The following UHRF2 variants were observed in gnomAD, a reference collection of about 807,000 sequenced individuals.
UHRF2 encodes the protein E3 ubiquitin-protein ligase UHRF2.
Under a neutral mutation model 96.8 loss-of-function variants are expected in UHRF2, and 23 were observed. That is an observed-to-expected ratio of 0.24 (90% CI 0.17 to 0.34). The LOEUF (loss-of-function observed/expected upper bound fraction) is 0.34, where lower values mean the gene tolerates loss of function less well. UHRF2 is among the 10% of genes least tolerant of loss of function. The probability of loss-of-function intolerance (pLI) is 1.00; values close to 1 mark genes in which losing one functional copy is unlikely to be tolerated. For missense variants in UHRF2, 685 were observed against 981.5 expected (o/e 0.70, Z 4.04); for synonymous variants, 385 against 332.6 (o/e 1.16, Z -1.72).
Position 6,493,811 on chromosome 9 carries a change from A to G in UHRF2, c.1498-15A>G, listed in dbSNP as rs1824815165. 6.2e-7 allele frequency: 1 copy of G among 1,601,568 alleles called. No individual in the cohort carries two copies. The highest frequency in any genetic ancestry group is 2.2e-5 in the East Asian group (1 of 44,748). The stretch of plus-strand genomic sequence containing the variant: ...TGGGTTTAGCTTTCTTAATAAAGAA[A>G]ATCTTCTCTGACAGGACCGAGGTGA... On this transcript the variant is annotated splice_polypyrimidine_tract_variant and intron_variant, in intron 9 of 15. Coordinates refer to ENST00000276893, the MANE Select transcript of UHRF2 (RefSeq NM_152896.3).
chr9:6,485,827 A>C (rs1271473900), intron 8 of UHRF2, among the ~76,000 whole-genome samples: 3 of 147,190 alleles, frequency 2.0e-5, no homozygotes, highest in Admixed American at 7.0e-5. Context: ...AAAAAAAAAA[A>C]ACAAAACCCA....
intron 8 of UHRF2, among the ~76,000 whole-genome samples, chr9:6,486,083 G>T (rs921269493): frequency 6.6e-6 from 1 of 152,174 alleles, no homozygotes; most frequent in African/African-American, 2.4e-5. Flanking sequence ...CATATTTAGA[G>T]AGGGTAATAA....
chr9:6,477,751 C>T lies in UHRF2; in HGVS notation c.1103C>T (p.Ala368Val). ...MQLLCDECNVAYHIYCLNPPL... is the reference protein window; with the variant it reads ...MQLLCDECNVVYHIYCLNPPL... ...CTTCTGTGTGATGAATGTAATGTGGCTTATCATATTTACTGTCTGAATCCA... is the reference window on the plus strand; with the variant it reads ...CTTCTGTGTGATGAATGTAATGTGGTTTATCATATTTACTGTCTGAATCCA... The change falls in exon 6 of 16, where the codon GCT (alanine) becomes GTT (valine). Residue 368 changes from alanine to valine, a missense_variant. Transcript: ENST00000276893. 6.2e-7 allele frequency: 1 copy of T among 1,613,818 alleles called. No homozygotes were observed. The highest frequency in any genetic ancestry group is 8.5e-7 in the Non-Finnish European group (1 of 1,179,836).
chr9:6,458,993 C>G (rs950236732), intron 3 of UHRF2, among the ~76,000 whole-genome samples: 20 of 152,122 alleles, frequency 1.3e-4, no homozygotes, highest in African/African-American at 4.8e-4. Context: ...CACATGTTCT[C>G]ACTCATAAGT....
intron 5 of UHRF2, among the ~76,000 whole-genome samples, chr9:6,476,868 CA>C (rs1284138726): frequency 1.3e-5 from 2 of 152,166 alleles, no homozygotes; most frequent in Non-Finnish European, 2.9e-5. Context: ...GCTGGTATTA[CA>C]GGCATGAGCC....
At chr9:6,492,079 A>T (rs981984157) in intron 9 of UHRF2, among the ~76,000 whole-genome samples, 1 of 152,138 alleles carries the variant, frequency 6.6e-6, no homozygotes, top group African/African-American at 2.4e-5. Context: ...GAGCTCTTAC[A>T]GTCTTGACAG....
intron 10 of UHRF2, chr9:6,496,048 T>C (rs1824947142): frequency 6.6e-6 from 1 of 152,140 alleles, no homozygotes; most frequent in African/African-American, 2.4e-5. Flanking sequence ...CACAGCTATA[T>C]AAGTTATTTT....
At position 6,475,039 on chromosome 9, in the gene UHRF2, C is replaced by G. The variant is rs539143642; in HGVS notation, c.864-352C>G. 1.6e-4 allele frequency among the ~76,000 whole-genome samples: 25 copies of G among 152,184 alleles called. 1 individual carries two copies. The South Asian group carries it at 3.3e-3, about 20-fold the overall frequency. ...AACAAACAGAAAACATACCTTATTTCTTGATAGAAAGGTTTAATATTGCAC... is the reference window on the plus strand; with the variant it reads ...AACAAACAGAAAACATACCTTATTTGTTGATAGAAAGGTTTAATATTGCAC... On this transcript the variant is annotated intron_variant, in intron 4 of 15. Coordinates refer to ENST00000276893, the MANE Select transcript of UHRF2 (RefSeq NM_152896.3).
At chr9:6,447,250 G>A (rs139304250) in intron 3 of UHRF2, among the ~76,000 whole-genome samples, 1 of 152,230 alleles carries the variant, frequency 6.6e-6, no homozygotes, top group African/African-American at 2.4e-5. Context: ...GATGTCAGGC[G>A]GTCATACTTT....
intron 3 of UHRF2, among the ~76,000 whole-genome samples, chr9:6,446,957 C>G (rs547796105): frequency 1.3e-5 from 2 of 152,080 alleles, no homozygotes; most frequent in South Asian, 4.2e-4. Context: ...AGCACAATCT[C>G]GGCTCACTGC....
intron 9 of UHRF2, among the ~76,000 whole-genome samples, chr9:6,491,081 T>G (rs2130942172): frequency 6.6e-6 from 1 of 152,374 alleles, no homozygotes; most frequent in South Asian, 2.1e-4. Flanking sequence ...TTTAGCCTAG[T>G]AACTTAAGAA....
rs34552859 is a variant in UHRF2 at position 6,466,551 on chromosome 9, GAAAA to G, written c.863+5778_863+5781del. Among the ~76,000 whole-genome samples, 904 of 110,958 alleles carry G rather than the reference GAAAA, an allele frequency of 8.1e-3. 17 individuals are homozygous for G. Among genetic ancestry groups the G allele is most frequent in the African/African-American group, 0.028 (854 of 30,514 alleles). 72.8% of individuals were successfully genotyped at this position (110,958 alleles called of 152,430 possible). ...TGAGACTCTATCTCAAAAAAAAAAG[GAAAA>G]AAAAAAAAAAAAAAAAAGCTACAGA... On this transcript the variant is annotated intron_variant, in intron 4 of 15. Coordinates refer to ENST00000276893, the MANE Select transcript of UHRF2 (RefSeq NM_152896.3).
intron 3 of UHRF2, among the ~76,000 whole-genome samples, chr9:6,448,989 CCAT>C (rs1314431408): frequency 6.6e-6 from 1 of 152,150 alleles, no homozygotes. Context: ...CTTGCTTTAA[CCAT>C]CATCAACTCA....
intron 3 of UHRF2, among the ~76,000 whole-genome samples, chr9:6,444,400 G>A (rs774229918): frequency 9.9e-5 from 15 of 152,172 alleles, no homozygotes; most frequent in Non-Finnish European, 2.2e-4. Flanking sequence ...AGATCACTTA[G>A]TACTTAGAAA....
chr9:6,496,311 C>T (rs988240876), intron 10 of UHRF2: 1 of 151,956 alleles, frequency 6.6e-6, no homozygotes, highest in African/African-American at 2.4e-5. Context: ...ACGTAGGTGT[C>T]CTAGAGGAAA....
chr9:6,495,568 T>C, intron 10 of UHRF2: 1 of 152,358 alleles, frequency 6.6e-6, no homozygotes, highest in South Asian at 2.1e-4. Flanking sequence ...TCTGAGTTTA[T>C]TCCTATTTCT....
chr9:6,441,988 G>T (rs1172888354), intron 3 of UHRF2, among the ~76,000 whole-genome samples: 1 of 152,064 alleles, frequency 6.6e-6, no homozygotes, highest in East Asian at 1.9e-4. Context: ...GAGATCTAAG[G>T]TTTTTCTTGC....
chr9:6,480,626 A>G (rs1383554834), intron 6 of UHRF2, among the ~76,000 whole-genome samples: 1 of 152,048 alleles, frequency 6.6e-6, no homozygotes, highest in African/African-American at 2.4e-5. Flanking sequence ...TCAGAGAGAT[A>G]ATACTTGCTT....
At chr9:6,444,448 A>T (rs939743642) in intron 3 of UHRF2, among the ~76,000 whole-genome samples, 1 of 152,206 alleles carries the variant, frequency 6.6e-6, no homozygotes, top group African/African-American at 2.4e-5. Flanking sequence ...CACCTCTTCA[A>T]ACTTATATAT....
Sources: gnomAD v4.1 joint callset for allele counts (sites outside exome capture counted in the v4.1 genomes callset) on GRCh38, gnomAD v4.1.1 for gene constraint, MANE v1.5 for transcripts, NCBI Gene and HGNC (gene_info 2026-07-23, HGNC 2026-07-21) for gene names.